Variants in MACROD2 observed in about 807,000 individuals in gnomAD.
MACROD2 encodes the protein mono-ADP ribosylhydrolase 2, also known as ADP-ribose glycohydrolase MACROD2.
MACROD2 carries 36 observed loss-of-function variants against 70.4 expected under a neutral mutation model. The ratio of observed to expected loss-of-function variants is 0.51; its 90% CI spans 0.39 to 0.68. The LOEUF (loss-of-function observed/expected upper bound fraction) is 0.68. Among genes scored for constraint, MACROD2 ranks in the 30% least tolerant of loss-of-function variants. The pLI, the probability that MACROD2 is intolerant of heterozygous loss-of-function variation, is 0.00. For synonymous variants in MACROD2, 172 were observed against 178.8 expected (o/e 0.96, Z 0.30); for missense variants, 496 against 538.4 (o/e 0.92, Z 0.78).
At position 14,128,156 on chromosome 20, in the gene MACROD2, C is replaced by T. The variant is rs1601254499; in HGVS notation, c.271+42428C>T. The T allele has an allele frequency of 1.1e-5, 5 of 450,068 alleles. No individual in the cohort carries two copies. The East Asian group carries it at 2.7e-4, about 24-fold the overall frequency. 27.9% of individuals were successfully genotyped at this position (450,068 alleles called of 1,614,324 possible). ...TGGCCCTTCCTAATGGAGACAATTA[C>T]TTTTGATGCTTTCCCTGGAGAGCCC... On this transcript the variant is annotated intron_variant, in intron 3 of 17. Transcript: ENST00000684519.
At chr20:15,908,461 G>A (rs1296358791) in intron 10 of MACROD2, among the ~76,000 whole-genome samples, 2 of 152,116 alleles carry the variant, frequency 1.3e-5, no homozygotes, top group Non-Finnish European at 2.9e-5. Flanking sequence ...CCTTGACTCT[G>A]CCCACATCTT....
chr20:14,626,123 C>T (rs1258297397), intron 4 of MACROD2, among the ~76,000 whole-genome samples: 1 of 152,128 alleles, frequency 6.6e-6, no homozygotes, highest in Non-Finnish European at 1.5e-5. Context: ...TGTACCTGAC[C>T]AAGTTTCTGT....
intron 5 of MACROD2, among the ~76,000 whole-genome samples, chr20:15,129,917 G>A (rs944362413): frequency 5.3e-5 from 8 of 152,026 alleles, no homozygotes; most frequent in Non-Finnish European, 8.8e-5. Context: ...AATTTCTGGC[G>A]TGTGAAGAGG....
At position 15,051,498 on chromosome 20, in the gene MACROD2, G is replaced by A. The variant is rs149182674; in HGVS notation, c.419-178442G>A. Among the ~76,000 whole-genome samples the A allele has an allele frequency of 2.1e-3, 317 of 151,928 alleles. 7 individuals are homozygous for A. The East Asian group carries it at 0.037, about 18-fold the overall frequency. On this transcript the variant is annotated intron_variant, in intron 5 of 17. Transcript: ENST00000684519. ...AGCGGGAAACACCCTGGCAGTGGCCGAAGCCGCAGTCTACACATGAAATTT... is the reference window on the plus strand; with the variant it reads ...AGCGGGAAACACCCTGGCAGTGGCCAAAGCCGCAGTCTACACATGAAATTT...
intron 6 of MACROD2, among the ~76,000 whole-genome samples, chr20:15,364,148 G>A (rs776946339): frequency 1.3e-5 from 2 of 152,164 alleles, no homozygotes; most frequent in Admixed American, 6.5e-5. Context: ...AAGAATATTT[G>A]TATTCTTCAT....
chr20:14,902,817 A>C lies in MACROD2; in HGVS notation c.418+217858A>C, dbSNP rs112621611. Among the ~76,000 whole-genome samples the C allele has an allele frequency of 1.4e-3, 213 of 152,236 alleles. 1 individual carries two copies. Among genetic ancestry groups the C allele is most frequent in the African/African-American group, 4.8e-3 (198 of 41,572 alleles). ...ACTCAAGGAATGCCATGAACTCCAC[A>C]TGAGGGAAACAGATCACAATACATA... On this transcript the variant is annotated intron_variant, in intron 5 of 17. Transcript: ENST00000684519.
chr20:15,443,680 T>C (rs1194097663), intron 7 of MACROD2, among the ~76,000 whole-genome samples: 1 of 152,226 alleles, frequency 6.6e-6, no homozygotes, highest in Non-Finnish European at 1.5e-5. Flanking sequence ...CTCTAAGTTC[T>C]GTCACTGTTA....
chr20:14,965,443 A>ATTTTTTTTTC (rs2074624783), intron 5 of MACROD2, among the ~76,000 whole-genome samples: 1 of 83,138 alleles, frequency 1.2e-5, no homozygotes, highest in Admixed American at 1.2e-4. Context: ...GCTAAAAGTT[A>ATTTTTTTTTC]TTTTTTTTTC....
chr20:15,166,934 G>T (rs1312848777), intron 5 of MACROD2, among the ~76,000 whole-genome samples: 2 of 147,914 alleles, frequency 1.4e-5, no homozygotes, highest in Non-Finnish European at 3.0e-5. Flanking sequence ...TTAAATTTAA[G>T]TATTTAATTT....
intron 5 of MACROD2, among the ~76,000 whole-genome samples, chr20:14,694,124 G>A (rs566945913): frequency 3.3e-5 from 5 of 151,780 alleles, no homozygotes; most frequent in South Asian, 2.1e-4. Flanking sequence ...TAAGGGCTAT[G>A]AGAGAAAAAA....
At chr20:14,927,432 T>C (rs954833752) in intron 5 of MACROD2, among the ~76,000 whole-genome samples, 2 of 152,142 alleles carry the variant, frequency 1.3e-5, no homozygotes, top group African/African-American at 4.8e-5. Context: ...TATTGTCACT[T>C]ACGACATTAA....
chr20:14,358,516 G>T (rs976570313), intron 3 of MACROD2, among the ~76,000 whole-genome samples: 2 of 151,978 alleles, frequency 1.3e-5, no homozygotes, highest in African/African-American at 4.8e-5. Context: ...GAGTGCAGTG[G>T]TGCAATCTCG....
chr20:15,768,318 C>A (rs1209002658), intron 8 of MACROD2, among the ~76,000 whole-genome samples: 1 of 152,202 alleles, frequency 6.6e-6, no homozygotes, highest in Non-Finnish European at 1.5e-5. Context: ...TCCTAGGCTA[C>A]AAACCTATAC....
rs541810428 is a variant in MACROD2 at position 14,326,523 on chromosome 20, G to A, written c.272-166956G>A. The A allele has an allele frequency of 1.7e-5, 28 of 1,613,868 alleles. No individual in the cohort carries two copies. The highest frequency in any genetic ancestry group is 2.7e-5 in the African/African-American group (2 of 75,010). On this transcript the variant is annotated intron_variant, in intron 3 of 17. Transcript: ENST00000684519. The surrounding 1 kb of genome is among the most constrained non-coding windows in gnomAD (Gnocchi z 5.5). ...GGGCTTGGCACATGAGCCCACGCACGTTGACCTTCACAGGTAGTGATTGTA... is the reference window on the plus strand; with the variant it reads ...GGGCTTGGCACATGAGCCCACGCACATTGACCTTCACAGGTAGTGATTGTA...
At chr20:15,054,946 C>CTTT (rs10673344) in intron 5 of MACROD2, among the ~76,000 whole-genome samples, 9,486 of 120,036 alleles carry the variant, frequency 0.079, 648 homozygotes, top group Non-Finnish European at 0.12. Flanking sequence ...CCACATCTAG[C>CTTT]TTTTTTTTTT....
At chr20:14,117,587 A>G (rs2054532299) in intron 3 of MACROD2, among the ~76,000 whole-genome samples, 1 of 152,184 alleles carries the variant, frequency 6.6e-6, no homozygotes, top group African/African-American at 2.4e-5. Context: ...TATTCACAGC[A>G]TAGCTTTTTC....
chr20:15,830,880 C>G (rs2064048592), intron 8 of MACROD2, among the ~76,000 whole-genome samples: 1 of 152,134 alleles, frequency 6.6e-6, no homozygotes, highest in African/African-American at 2.4e-5. Context: ...GCGTATATAA[C>G]ACATTAGAAG....
intron 4 of MACROD2, among the ~76,000 whole-genome samples, chr20:14,592,926 CA>C (rs1318497198): frequency 3.9e-5 from 6 of 152,142 alleles, no homozygotes; most frequent in African/African-American, 1.4e-4. Context: ...GTTTAAGTTT[CA>C]GGTAAATGGT....
chr20:14,828,572 T>C (rs966782672), intron 5 of MACROD2, among the ~76,000 whole-genome samples: 1 of 152,032 alleles, frequency 6.6e-6, no homozygotes, highest in Admixed American at 6.6e-5. Flanking sequence ...GAATGTACCA[T>C]GCAATGGGTG....
Sources: gnomAD v4.1 joint callset for allele counts (sites outside exome capture counted in the v4.1 genomes callset) on GRCh38, gnomAD v4.1.1 for gene constraint, Gnocchi (gnomAD v3.1) non-coding constraint, MANE v1.5 for transcripts, NCBI Gene and HGNC (gene_info 2026-07-23, HGNC 2026-07-21) for gene names.